The following WDR19 variants were observed in gnomAD, a reference collection of about 807,000 sequenced individuals.
WDR19 encodes WD repeat-containing protein 19.
A neutral mutation model predicts 180.0 loss-of-function variants in WDR19; 121 were observed. That is an observed-to-expected ratio of 0.67 (90% confidence interval 0.58 to 0.78). The LOEUF (loss-of-function observed/expected upper bound fraction) is 0.78, where lower values mean the gene tolerates loss of function less well. Among genes scored for constraint, WDR19 ranks in the 30% least tolerant of loss-of-function variants. The pLI is 0.00. For missense variants in WDR19, 1,450 were observed against 1,640.7 expected (o/e 0.88, Z 2.01); for synonymous variants, 497 against 540.7 (o/e 0.92, Z 1.12).
chr4:39,230,127 T>C (rs1415219479), intron 17 of WDR19, among the ~76,000 whole-genome samples: 1 of 152,184 alleles, frequency 6.6e-6, no homozygotes, highest in Non-Finnish European at 1.5e-5. Context: ...CTATTGCCTT[T>C]ACAAACAAAT....
At position 39,232,292 on chromosome 4, in the gene WDR19, T is replaced by C. The variant is rs1425965606; in HGVS notation, c.2253+20T>C. ...CTGGAGGTATGGCAGCAAGTAAGAATGGAAATTGTGTAAGAGGTATCCAGT... is the reference window on the plus strand; with the variant it reads ...CTGGAGGTATGGCAGCAAGTAAGAACGGAAATTGTGTAAGAGGTATCCAGT... On this transcript the variant is annotated intron_variant, in intron 19 of 36. Coordinates refer to ENST00000399820, the MANE Select transcript of WDR19 (RefSeq NM_025132.4). 1 of 1,579,386 alleles carries C rather than the reference T, an allele frequency of 6.3e-7. No homozygotes were observed. Among genetic ancestry groups the C allele is most frequent in the East Asian group, 2.2e-5 (1 of 44,488 alleles).
chr4:39,262,256 CT>C (rs1463802051), intron 28 of WDR19, among the ~76,000 whole-genome samples: 3 of 152,196 alleles, frequency 2.0e-5, no homozygotes, highest in South Asian at 4.2e-4. Flanking sequence ...AAATTGGCCA[CT>C]TTTTTCCCCC....
At chr4:39,230,462 C>G (rs1226849264) in intron 17 of WDR19, among the ~76,000 whole-genome samples, 1 of 64,918 alleles carries the variant, frequency 1.5e-5, no homozygotes, top group Non-Finnish European at 3.1e-5. Context: ...CACCACTTAC[C>G]TCTGTGTGCC....
chr4:39,277,204 C>A, intron 34 of WDR19, 61 bp downstream of exon 34: 1 of 1,491,662 alleles, frequency 6.7e-7, no homozygotes. Context: ...CATTTGAATA[C>A]TTGATGTATG....
intron 5 of WDR19, among the ~76,000 whole-genome samples, chr4:39,195,200 T>G (rs1726597910): frequency 6.6e-6 from 1 of 151,930 alleles, no homozygotes; most frequent in South Asian, 2.1e-4. Context: ...ACCCCATCTC[T>G]ACTAAAAATA....
At position 39,266,069 on chromosome 4, in the gene WDR19, C is replaced by T. The variant is rs1734760986; in HGVS notation, c.3190C>T (p.Gln1064Ter). ...TTTCTCTCTTATTAAACAGGTTGGT[C>T]AGGCCAAAGATGAACTGCTGACCAA... is the stretch of plus-strand genomic sequence containing the variant. ...AIEMAIETVGQAKDELLTNQL... is the reference protein window; with the variant it reads ...AIEMAIETVG The change falls in exon 29 of 37, where the codon CAG becomes TAG. Residue 1064 changes from glutamine to a stop codon, truncating the protein, a stop_gained. Coordinates refer to ENST00000399820, the MANE Select transcript of WDR19 (RefSeq NM_025132.4). LOFTEE classifies it high-confidence loss of function. The T allele has an allele frequency of 6.4e-7, 1 of 1,554,522 alleles. No homozygotes were observed.
At chr4:39,231,101 G>A (rs895207256) in intron 17 of WDR19, among the ~76,000 whole-genome samples, 1 of 152,012 alleles carries the variant, frequency 6.6e-6, no homozygotes, top group Non-Finnish European at 1.5e-5. Context: ...CATGAGGTCA[G>A]CAGATCAAGA....
chr4:39,239,939 C>T (rs139576159), intron 20 of WDR19, among the ~76,000 whole-genome samples: 19 of 152,046 alleles, frequency 1.2e-4, no homozygotes, highest in African/African-American at 4.1e-4. Flanking sequence ...TTTGGGAGGC[C>T]GAGGTGGTGG....
intron 9 of WDR19, among the ~76,000 whole-genome samples, chr4:39,208,724 A>G (rs111623875): frequency 0.011 from 1,672 of 152,206 alleles, 47 homozygotes; most frequent in Non-Finnish European, 9.5e-3. Flanking sequence ...GAAGATAGCT[A>G]CTCTAGCCAT....
chr4:39,284,100 G>A (rs769171662), intron 36 of WDR19, among the ~76,000 whole-genome samples: 1 of 151,836 alleles, frequency 6.6e-6, no homozygotes, highest in Non-Finnish European at 1.5e-5. Flanking sequence ...GAATCTGTAT[G>A]TTTATATTTT....
At chr4:39,186,454 G>A (rs1289547445) in intron 2 of WDR19, 85 bp from the exon 3 acceptor site, 1 of 1,052,962 alleles carries the variant, frequency 9.5e-7, no homozygotes, top group Non-Finnish European at 1.3e-6. Context: ...ACTCCAGCCT[G>A]GGCAACAGAG....
Position 39,244,335 on chromosome 4 carries a change from C to T in WDR19, c.2509C>T (p.His837Tyr). The T allele has an allele frequency of 6.2e-7, 1 of 1,613,960 alleles. No individual in the cohort carries two copies. The highest frequency in any genetic ancestry group is 8.5e-7 in the Non-Finnish European group (1 of 1,179,862). ...TCGAGGGGTTAACCAAGCCCTCAAG[C>T]ATCCCAGCAGGGTCCTTAAAAGAGA... ...IRRGVNQALK[H>Y]PSRVLKRDCG... The change falls in exon 22 of 37, where the codon CAT becomes TAT. Residue 837 changes from histidine to tyrosine, a missense_variant. Physicochemically the swap from His to Tyr is moderately conservative, Grantham distance 83. Transcript: ENST00000399820.
intron 9 of WDR19, among the ~76,000 whole-genome samples, chr4:39,209,571 G>A (rs1188423780): frequency 6.6e-6 from 1 of 151,972 alleles, no homozygotes; most frequent in East Asian, 1.9e-4. Context: ...AACTAGCCGG[G>A]CATGGTGGTG....
At chr4:39,223,154 T>C (rs902220364) in intron 14 of WDR19, among the ~76,000 whole-genome samples, 3 of 152,220 alleles carry the variant, frequency 2.0e-5, no homozygotes, top group African/African-American at 7.2e-5. Context: ...GAGTTTCTTT[T>C]TGAGGTTATG....
chr4:39,274,582 A>G (rs1408257603), intron 32 of WDR19: 1 of 529,528 alleles, frequency 1.9e-6, no homozygotes, highest in Non-Finnish European at 3.4e-6. Context: ...CTAGTGTTAC[A>G]AGGCAGAACA....
intron 36 of WDR19, among the ~76,000 whole-genome samples, chr4:39,281,234 TATAGAGAG>T (rs1399700546): frequency 4.6e-5 from 5 of 108,376 alleles, no homozygotes; most frequent in South Asian, 2.9e-4. Context: ...TATATATATA[TATAGAGAG>T]AGAGAGAGAG....
intron 14 of WDR19, among the ~76,000 whole-genome samples, chr4:39,224,120 T>C (rs1729986386): frequency 6.6e-6 from 1 of 152,196 alleles, no homozygotes; most frequent in Admixed American, 6.5e-5. Flanking sequence ...ATTGCATTTT[T>C]AATTTGGTAT....
intron 7 of WDR19, among the ~76,000 whole-genome samples, chr4:39,203,971 A>G (rs1430584147): frequency 6.6e-6 from 1 of 152,220 alleles, no homozygotes; most frequent in Non-Finnish European, 1.5e-5. Context: ...TTGTGATAGC[A>G]AAAACATTAG....
chr4:39,208,966 A>AC (rs1728227259), intron 9 of WDR19, among the ~76,000 whole-genome samples: 2 of 152,306 alleles, frequency 1.3e-5, no homozygotes, highest in South Asian at 4.1e-4. Flanking sequence ...AGAACCAACT[A>AC]CGCAGAAGGT....
Sources: allele counts gnomAD v4.1 joint callset (sites outside exome capture counted in the v4.1 genomes callset), GRCh38; gene constraint gnomAD v4.1.1; transcripts MANE v1.5; gene names NCBI Gene and HGNC (gene_info 2026-07-23, HGNC 2026-07-21).